The following MAP2K2 variants were observed in gnomAD, a reference collection of about 807,000 sequenced individuals.
The protein encoded by MAP2K2 is mitogen-activated protein kinase kinase 2.
A neutral mutation model predicts 43.7 loss-of-function variants in MAP2K2; 24 were observed. The observed-to-expected ratio is 0.55, with a 90% CI of 0.40 to 0.77. The LOEUF is 0.77. Ranked by LOEUF, MAP2K2 falls within the 30% of genes least tolerant of loss-of-function variation. The probability of loss-of-function intolerance (pLI) is 0.00; values close to 1 mark genes in which losing one functional copy is unlikely to be tolerated. For missense variants in MAP2K2, 470 were observed against 566.8 expected (o/e 0.83, Z 1.73); for synonymous variants, 244 against 239.7 (o/e 1.02, Z -0.17).
intron 6 of MAP2K2, 46 bp from the exon 7 acceptor site, chr19:4,099,460 C>T (rs1439673748): frequency 6.7e-7 from 1 of 1,494,432 alleles, no homozygotes; most frequent in East Asian, 2.4e-5. Flanking sequence ...GCGAGGATGG[C>T]AGCTGGAACC....
At position 4,101,270 on chromosome 19, in the gene MAP2K2, C is replaced by A. The variant is rs750247968; in HGVS notation, c.539G>T (p.Gly180Val). 1 of 1,582,080 alleles carries A rather than the reference C, an allele frequency of 6.3e-7. No individual in the cohort carries two copies. Residue 180 changes from glycine to valine, a missense_variant, in exon 5 of 11, where the codon GGC becomes GTC. Gly to Val is a moderately radical substitution (Grantham distance 109, BLOSUM62 -3). Coordinates refer to ENST00000262948, the MANE Select transcript of MAP2K2 (RefSeq NM_030662.4). This position sits in a 1 kb window ranked among gnomAD's most constrained non-coding sequence, Gnocchi z 6.3. ...GTGCTTCTCTCGGAGGTACGCCAAGCCCCGGAGAACCTGCAGGGGAGCGCG... is the reference window on the plus strand; with the variant it reads ...GTGCTTCTCTCGGAGGTACGCCAAGACCCGGAGAACCTGCAGGGGAGCGCG... The part of the protein sequence containing the change: ...LGKVSIAVLR[G>V]LAYLREKHQI...
intron 9 of MAP2K2, 80 bp downstream of exon 9, chr19:4,095,308 C>A (rs578203958): frequency 5.2e-5 from 69 of 1,314,750 alleles, no homozygotes; most frequent in South Asian, 2.7e-4. Flanking sequence ...GCAGGCTGGG[C>A]CACGGGCCCC....
Position 4,102,437 on chromosome 19 carries a change from T to C in MAP2K2, c.467A>G (p.Asp156Gly). ...CCTCTTGGCCTCTTTCAGCACCTGG[T>C]CCAGGGAGCCGCCGTCCTAGAGGGC... ...CMEHMDGGSLDQVLKEAKRIP... is the reference protein window; with the variant it reads ...CMEHMDGGSLGQVLKEAKRIP... The change falls in exon 4 of 11, where the codon GAC (aspartate) becomes GGC (glycine). Residue 156 changes from aspartate to glycine, a missense_variant. By Grantham distance (94) the Asp-to-Gly change is moderately conservative. Coordinates refer to ENST00000262948, the MANE Select transcript of MAP2K2 (RefSeq NM_030662.4). 6.2e-7 allele frequency: 1 copy of C among 1,605,042 alleles called. No individual in the cohort carries two copies. The highest frequency in any genetic ancestry group is 1.1e-5 in the South Asian group (1 of 89,342).
At position 4,120,039 on chromosome 19, in the gene MAP2K2, C is replaced by G. The variant is rs567363170; in HGVS notation, c.93-2410G>C. ...TTCCTGGGCTGGACAAACACCATCT[C>G]ATTCCATTCTCACCATCGTCCCCGG... On this transcript the variant is annotated intron_variant, in intron 1 of 10. Coordinates refer to ENST00000262948, the MANE Select transcript of MAP2K2 (RefSeq NM_030662.4). Among the ~76,000 whole-genome samples, 8 of 152,392 alleles carry G rather than the reference C, an allele frequency of 5.2e-5. No individual in the cohort carries two copies. In the East Asian group the frequency reaches 1.3e-3, roughly 26 times the overall value.
intron 3 of MAP2K2, among the ~76,000 whole-genome samples, chr19:4,109,479 C>T (rs758048842): frequency 6.6e-6 from 1 of 152,202 alleles, no homozygotes; most frequent in Non-Finnish European, 1.5e-5. Flanking sequence ...CGCTCTGCTG[C>T]CCGGGCTGGA....
chr19:4,110,762 T>G, intron 2 of MAP2K2, 107 bp from the exon 3 acceptor site: 1 of 1,223,760 alleles, frequency 8.2e-7, no homozygotes. Context: ...CAAGACCAAC[T>G]CAGTACCCCC....
chr19:4,097,537 C>T (rs922200187), intron 7 of MAP2K2, among the ~76,000 whole-genome samples, 194 bp from the exon 8 acceptor site: 4 of 152,182 alleles, frequency 2.6e-5, no homozygotes, highest in African/African-American at 9.7e-5. Flanking sequence ...GACAGCTACT[C>T]CTTGCCTGAG....
Position 4,095,460 on chromosome 19 carries a change from G to A in MAP2K2, c.985-11C>T. On this transcript the variant is annotated splice_polypyrimidine_tract_variant and intron_variant, in intron 8 of 10. Coordinates refer to ENST00000262948, the MANE Select transcript of MAP2K2 (RefSeq NM_030662.4). ...CAGCTTAGGAGGTGGCTGTGGAGGA[G>A]AACAGAGGGTGGGGTCAGCCCTGGG... The A allele has an allele frequency of 1.3e-6, 2 of 1,551,028 alleles. No homozygotes were observed. The highest frequency in any genetic ancestry group is 1.4e-5 in the African/African-American group (1 of 73,160).
chr19:4,092,545 C>T (rs1367661236), intron 10 of MAP2K2, among the ~76,000 whole-genome samples: 3 of 151,864 alleles, frequency 2.0e-5, no homozygotes, highest in African/African-American at 4.8e-5. Flanking sequence ...GCCGAGATTG[C>T]GCCACTGCAC....
At chr19:4,120,088 C>T (rs149490884) in intron 1 of MAP2K2, among the ~76,000 whole-genome samples, 68 of 152,334 alleles carry the variant, frequency 4.5e-4, no homozygotes, top group Non-Finnish European at 8.5e-4. Context: ...AGGGAACAGA[C>T]TCACAGGGGT....
At chr19:4,117,372 G>A (rs1599306967) in intron 2 of MAP2K2, 47 bp downstream of exon 2, 1 of 1,570,390 alleles carries the variant, frequency 6.4e-7, no homozygotes, top group Non-Finnish European at 8.7e-7. Context: ...GTTTCCAGGG[G>A]GACCTTCCCC....
At chr19:4,097,408 G>T in intron 7 of MAP2K2, 65 bp from the exon 8 acceptor site, 2 of 1,277,382 alleles carry the variant, frequency 1.6e-6, no homozygotes, top group Non-Finnish European at 2.3e-6. Flanking sequence ...TGGGGGTTGG[G>T]CTCCCAGGGG....
At chr19:4,111,860 G>A (rs2041157254) in intron 2 of MAP2K2, among the ~76,000 whole-genome samples, 1 of 152,190 alleles carries the variant, frequency 6.6e-6, no homozygotes, top group Non-Finnish European at 1.5e-5. Context: ...GGCTGAGGCA[G>A]GAGAATCACT....
intron 3 of MAP2K2, among the ~76,000 whole-genome samples, chr19:4,109,452 G>A (rs181661010): frequency 1.7e-4 from 26 of 152,276 alleles, no homozygotes; most frequent in Admixed American, 1.4e-3. Flanking sequence ...GCTTTGTTAT[G>A]TTTTGAGACA....
chr19:4,091,148 C>G (rs2040851117), intron 10 of MAP2K2, among the ~76,000 whole-genome samples: 2 of 152,164 alleles, frequency 1.3e-5, no homozygotes, highest in African/African-American at 4.8e-5. Context: ...ACCACAATGT[C>G]CTCAGCCATT....
rs374098881 is a variant in MAP2K2 at position 4,101,190 on chromosome 19, C to T, written c.580+39G>A. The T allele has an allele frequency of 9.0e-5, 130 of 1,445,214 alleles. No individual in the cohort carries two copies. Among genetic ancestry groups the T allele is most frequent in the East Asian group, 5.0e-4 (16 of 31,814 alleles). 89.5% of individuals were successfully genotyped at this position (1,445,214 alleles called of 1,614,324 possible). A position where few individuals can be genotyped will look rare whatever the true frequency, so the allele number is the denominator to read the frequency against. On this transcript the variant is annotated intron_variant, in intron 5 of 10. Coordinates refer to ENST00000262948, the MANE Select transcript of MAP2K2 (RefSeq NM_030662.4). The surrounding 1 kb of genome is among the most constrained non-coding windows in gnomAD (Gnocchi z 6.3). ...TGAGGGGCGCCCAACAGTTGCCTGC[C>T]GGCCCCCGGGGCTCTGGGGAGGGCG...
chr19:4,103,386 TTCA>T, intron 3 of MAP2K2: 3 of 407,658 alleles, frequency 7.4e-6, no homozygotes, highest in Non-Finnish European at 9.9e-6. Context: ...AAGGTGCCTC[TTCA>T]GAGGCAGAGG....
chr19:4,112,432 G>A (rs2041165471), intron 2 of MAP2K2, among the ~76,000 whole-genome samples: 1 of 152,240 alleles, frequency 6.6e-6, no homozygotes, highest in Non-Finnish European at 1.5e-5. Context: ...GGGACAAAGA[G>A]CCGCCTGTCA....
At chr19:4,119,580 G>A (rs558860562) in intron 1 of MAP2K2, among the ~76,000 whole-genome samples, 12 of 152,164 alleles carry the variant, frequency 7.9e-5, no homozygotes, top group African/African-American at 2.2e-4. Context: ...CATTTTCAAC[G>A]TACAACCAGT....
Sources: gnomAD v4.1 joint callset for allele counts (sites outside exome capture counted in the v4.1 genomes callset) on GRCh38, gnomAD v4.1.1 for gene constraint, Gnocchi (gnomAD v3.1) non-coding constraint, MANE v1.5 for transcripts, NCBI Gene and HGNC (gene_info 2026-07-23, HGNC 2026-07-21) for gene names.